The following LUZP2 variants were observed in gnomAD, a reference collection of about 807,000 sequenced individuals.
The protein encoded by LUZP2 is leucine zipper protein 2.
A neutral mutation model predicts 51.6 loss-of-function variants in LUZP2; 52 were observed. The ratio of observed to expected loss-of-function variants is 1.01; its 90% CI spans 0.81 to 1.27. LUZP2 has a LOEUF of 1.27. LUZP2 is among the 50% of genes most tolerant of loss of function. LUZP2 has a pLI of 0.00. For synonymous variants in LUZP2, 154 were observed against 137.3 expected, an observed-to-expected ratio of 1.12 and a Z score of -0.85; for missense variants, 436 against 395.4, an observed-to-expected ratio of 1.10 and a Z score of -0.87.
chr11:24,685,464 G>A (rs774756559), intron 1 of LUZP2, among the ~76,000 whole-genome samples: 2 of 152,066 alleles, frequency 1.3e-5, no homozygotes, highest in African/African-American at 4.8e-5. Flanking sequence ...GCGTGACCCT[G>A]CAAACCTGCA....
At chr11:24,545,760 G>T (rs1172930801) in intron 1 of LUZP2, among the ~76,000 whole-genome samples, 2 of 151,976 alleles carry the variant, frequency 1.3e-5, no homozygotes, top group Non-Finnish European at 2.9e-5. Flanking sequence ...GATTGCCTTT[G>T]TTATTAGGGC....
At position 24,970,448 on chromosome 11, in the gene LUZP2, A is replaced by G. The variant is rs537328859; in HGVS notation, c.523-6143A>G. ...GAAATTTATCAGAGAAATTAAAATA[A>G]AGACAACTGGATAGTTTTACCTAGA... On this transcript the variant is annotated intron_variant, in intron 7 of 11. Coordinates refer to ENST00000336930, the MANE Select transcript of LUZP2 (RefSeq NM_001009909.4). Among the ~76,000 whole-genome samples the G allele has an allele frequency of 2.0e-5, 3 of 152,186 alleles. No individual in the cohort carries two copies. In the South Asian group the frequency reaches 6.2e-4, roughly 31 times the overall value.
At chr11:24,950,353 G>A (rs1855041070) in intron 7 of LUZP2, among the ~76,000 whole-genome samples, 1 of 151,630 alleles carries the variant, frequency 6.6e-6, no homozygotes, top group Admixed American at 6.6e-5. Flanking sequence ...AGTAAAAAAT[G>A]TGTAGCTTAG....
chr11:24,509,648 A>C (rs1321877744), intron 1 of LUZP2, among the ~76,000 whole-genome samples: 3 of 150,378 alleles, frequency 2.0e-5, no homozygotes, highest in Non-Finnish European at 4.4e-5. Flanking sequence ...ATATACACAG[A>C]ATATATAAAT....
chr11:24,806,584 C>G (rs752540045), intron 5 of LUZP2, among the ~76,000 whole-genome samples: 1 of 151,970 alleles, frequency 6.6e-6, no homozygotes, highest in Non-Finnish European at 1.5e-5. Flanking sequence ...AAAATTCTCA[C>G]TACAAAGAAA....
chr11:24,739,282 T>C (rs1227795153), intron 4 of LUZP2, among the ~76,000 whole-genome samples: 1 of 152,006 alleles, frequency 6.6e-6, no homozygotes, highest in Non-Finnish European at 1.5e-5. Context: ...TGATTTTTGG[T>C]TGGCTTTGGG....
At position 24,648,220 on chromosome 11, in the gene LUZP2, C is replaced by T. The variant is rs115384141; in HGVS notation, c.63-80949C>T. 2.9e-3 allele frequency among the ~76,000 whole-genome samples: 448 copies of T among 152,020 alleles called. 4 individuals are homozygous for T. The highest frequency in any genetic ancestry group is 0.01 in the African/African-American group (425 of 41,526). On this transcript the variant is annotated intron_variant, in intron 1 of 11. Coordinates refer to ENST00000336930, the MANE Select transcript of LUZP2 (RefSeq NM_001009909.4). ...CACCTGCCTGGCTCTTAAATTTCTA[C>T]TATCGGCACATCTATTCATGTAGGT...
At chr11:24,717,448 G>T (rs1254255168) in intron 1 of LUZP2, among the ~76,000 whole-genome samples, 1 of 142,960 alleles carries the variant, frequency 7.0e-6, no homozygotes, top group Admixed American at 7.3e-5. Context: ...TTGCCTTGTC[G>T]CCCAGGTGGA....
intron 5 of LUZP2, among the ~76,000 whole-genome samples, chr11:24,846,926 T>C (rs1030613948): frequency 2.7e-5 from 4 of 147,862 alleles, no homozygotes; most frequent in African/African-American, 1.1e-4. Context: ...CACATACATA[T>C]ATGTATACAT....
intron 5 of LUZP2, among the ~76,000 whole-genome samples, chr11:24,881,459 A>G (rs962333060): frequency 1.3e-5 from 2 of 151,710 alleles, no homozygotes; most frequent in Non-Finnish European, 2.9e-5. Flanking sequence ...ATAGAGGTAC[A>G]CCTTTGCATG....
chr11:24,646,527 T>C, intron 1 of LUZP2: 5 of 921,562 alleles, frequency 5.4e-6, no homozygotes, highest in Non-Finnish European at 5.2e-6. Context: ...GCTTTCCTAA[T>C]TAATAGTCTC....
intron 1 of LUZP2, among the ~76,000 whole-genome samples, chr11:24,527,197 G>A (rs1219276745): frequency 1.3e-5 from 2 of 151,092 alleles, no homozygotes; most frequent in East Asian, 3.9e-4. Context: ...TTTATTTTTT[G>A]TTCCTCTCTC....
chr11:24,533,670 G>GC (rs1400760320), intron 1 of LUZP2, among the ~76,000 whole-genome samples: 2 of 150,970 alleles, frequency 1.3e-5, no homozygotes, highest in Non-Finnish European at 3.0e-5. Flanking sequence ...TCTCTTAGGG[G>GC]CCTTTCAAGA....
intron 1 of LUZP2, among the ~76,000 whole-genome samples, chr11:24,555,483 A>G (rs1280596825): frequency 6.6e-6 from 1 of 152,186 alleles, no homozygotes; most frequent in African/African-American, 2.4e-5. Context: ...TTCACATTGC[A>G]GATGAAGTAA....
chr11:24,863,943 TTA>T (rs762720140), intron 5 of LUZP2, among the ~76,000 whole-genome samples: 11 of 152,120 alleles, frequency 7.2e-5, no homozygotes, highest in Non-Finnish European at 1.6e-4. Flanking sequence ...CAAATTGTAA[TTA>T]TAACAGGATT....
chr11:25,031,658 T>G (rs1236251837), intron 9 of LUZP2, among the ~76,000 whole-genome samples: 1 of 152,160 alleles, frequency 6.6e-6, no homozygotes, highest in Non-Finnish European at 1.5e-5. Context: ...TTTATTTGAG[T>G]TGTTTTCCCA....
rs1858412105 is a variant in LUZP2, at chr11:25,049,209, GA to G, written c.766-827del. Among the ~76,000 whole-genome samples, 3 of 152,112 alleles carry G rather than the reference GA, an allele frequency of 2.0e-5. No homozygotes were observed. In the South Asian group the frequency reaches 6.2e-4, roughly 32 times the overall value. ...GAAACCTAATTTCTTCCTCTCCTGTGAAGCAGTGTGATCAAAGTCTCAGACT... is the reference window on the plus strand; with the variant it reads ...GAAACCTAATTTCTTCCTCTCCTGTGAGCAGTGTGATCAAAGTCTCAGACT... On this transcript the variant is annotated intron_variant, in intron 9 of 11. Transcript: ENST00000336930.
intron 1 of LUZP2, among the ~76,000 whole-genome samples, chr11:24,716,099 A>T (rs577330914): frequency 8.5e-5 from 13 of 152,306 alleles, no homozygotes; most frequent in Admixed American, 7.8e-4. Context: ...ATAATATTAG[A>T]TATTGTTTAA....
intron 1 of LUZP2, among the ~76,000 whole-genome samples, chr11:24,587,289 A>G (rs1853100271): frequency 1.3e-5 from 2 of 149,188 alleles, no homozygotes. Flanking sequence ...GGAGGTATTA[A>G]TTTGGGATTG....
Sources: allele counts gnomAD v4.1 joint callset (sites outside exome capture counted in the v4.1 genomes callset), GRCh38; gene constraint gnomAD v4.1.1; transcripts MANE v1.5; gene names NCBI Gene and HGNC (gene_info 2026-07-23, HGNC 2026-07-21).